UBXN7: variants seen among roughly 807,000 people sequenced by gnomAD.
UBXN7 encodes the protein UBX domain-containing protein 7.
A neutral mutation model predicts 58.0 loss-of-function variants in UBXN7; 9 were observed. The ratio of observed to expected loss-of-function variants is 0.16; its 90% CI spans 0.09 to 0.27. The LOEUF is 0.27. UBXN7 is among the 10% of genes least tolerant of loss of function. The pLI is 1.00. For synonymous variants in UBXN7, 208 were observed against 205.0 expected (o/e 1.01, Z -0.12); for missense variants, 328 against 599.6 (o/e 0.55, Z 4.73).
At chr3:196,363,057 A>G (rs1728549368) in intron 8 of UBXN7, among the ~76,000 whole-genome samples, 1 of 151,796 alleles carries the variant, frequency 6.6e-6, no homozygotes, top group Non-Finnish European at 1.5e-5. Context: ...AGCGCCCGCC[A>G]CCACGCCCAG....
chr3:196,386,975 C>T (rs1729425690), intron 5 of UBXN7, among the ~76,000 whole-genome samples: 1 of 152,084 alleles, frequency 6.6e-6, no homozygotes, highest in Admixed American at 6.6e-5. Context: ...TACAAGGCTA[C>T]AGTAACCAAA....
At chr3:196,396,218 A>ATT (rs1729765744) in intron 3 of UBXN7, among the ~76,000 whole-genome samples, 1 of 150,582 alleles carries the variant, frequency 6.6e-6, no homozygotes, top group South Asian at 2.1e-4. Flanking sequence ...TTTCAAATGT[A>ATT]CATGGCCTCT....
Position 196,352,585 on chromosome 3 carries a change from A to G in UBXN7, c.*4100T>C, listed in dbSNP as rs1344360161. The G allele has an allele frequency of 6.6e-6, 1 of 152,180 alleles. No individual in the cohort carries two copies. The highest frequency in any genetic ancestry group is 1.9e-4 in the East Asian group (1 of 5,194). 9.4% of individuals were successfully genotyped at this position (152,180 alleles called of 1,614,324 possible). On this transcript the variant is annotated 3_prime_UTR_variant, in exon 11 of 11. Coordinates refer to ENST00000296328, the MANE Select transcript of UBXN7 (RefSeq NM_015562.2). The surrounding 1 kb of genome is among the most constrained non-coding windows in gnomAD (Gnocchi z 4.1). ...AGATTTCAAAATACTTCCAACTTCT[A>G]TAAAGAACTCAATAGCTAATTGTTG...
At chr3:196,379,755 C>G (rs1729143258) in intron 5 of UBXN7, among the ~76,000 whole-genome samples, 1 of 152,104 alleles carries the variant, frequency 6.6e-6, no homozygotes, top group Non-Finnish European at 1.5e-5. Context: ...CGGTATCATC[C>G]CTTCTGTGAT....
intron 3 of UBXN7, chr3:196,400,033 C>G (rs1038985887): frequency 1.3e-5 from 2 of 151,972 alleles, no homozygotes. Flanking sequence ...ACACTAAGCT[C>G]GACATCAATA....
intron 1 of UBXN7, among the ~76,000 whole-genome samples, chr3:196,418,919 G>A (rs540337250): frequency 1.3e-5 from 2 of 152,236 alleles, no homozygotes; most frequent in South Asian, 2.1e-4. Context: ...CATTTAATGC[G>A]AGAACCTAAC....
At chr3:196,406,365 T>C (rs1008850425) in intron 2 of UBXN7, among the ~76,000 whole-genome samples, 1 of 151,844 alleles carries the variant, frequency 6.6e-6, no homozygotes, top group Non-Finnish European at 1.5e-5. Flanking sequence ...TTCATACTGA[T>C]TTCTGTTAAG....
chr3:196,420,405 C>G (rs1398835640), intron 1 of UBXN7, among the ~76,000 whole-genome samples: 1 of 151,802 alleles, frequency 6.6e-6, no homozygotes, highest in African/African-American at 2.4e-5. Context: ...GTGATGCGTG[C>G]CTGTAACCCC....
intron 10 of UBXN7, among the ~76,000 whole-genome samples, chr3:196,360,424 C>T (rs1373079883): frequency 1.3e-5 from 2 of 152,172 alleles, no homozygotes; most frequent in East Asian, 3.8e-4. Context: ...GCTCATTTAA[C>T]ATTCCAAAAT....
At chr3:196,359,918 A>AG (rs1728460952) in intron 10 of UBXN7, among the ~76,000 whole-genome samples, 1 of 151,894 alleles carries the variant, frequency 6.6e-6, no homozygotes, top group Non-Finnish European at 1.5e-5. Context: ...AAAAAAAAAA[A>AG]GGAAAGAAAG....
At position 196,355,189 on chromosome 3, in the gene UBXN7, A is replaced by G. The variant is rs1207728273; in HGVS notation, c.*1496T>C. 1.3e-5 allele frequency: 2 copies of G among 152,192 alleles called. No individual in the cohort carries two copies. The highest frequency in any genetic ancestry group is 1.3e-4 in the Admixed American group (2 of 15,266). The allele number at this position is 152,192 out of a possible 1,614,324, so 9.4% of individuals were successfully genotyped here. A position where few individuals can be genotyped will look rare whatever the true frequency, so the allele number is the denominator to read the frequency against. ...ATACGCTCCTCAGATAAAAGAATCA[A>G]TCTAAATCCTCAACTGACAAAAAGG... On this transcript the variant is annotated 3_prime_UTR_variant, in exon 11 of 11. Transcript: ENST00000296328.
chr3:196,427,705 G>T (rs1279503322), intron 1 of UBXN7, among the ~76,000 whole-genome samples: 2 of 152,190 alleles, frequency 1.3e-5, no homozygotes, highest in African/African-American at 4.8e-5. Flanking sequence ...TGACTTCTGA[G>T]TTTTCAACAG....
In UBXN7 at chr3:196,352,970, A is replaced by G. The variant is rs1205713329; in HGVS notation, c.*3715T>C. Reference sequence around the variant, plus strand: ...TTCTTGGCAAATAATGCCACGTGGCAATTTTACTTTCACATCTTCACCAGT... The same window carrying G: ...TTCTTGGCAAATAATGCCACGTGGCGATTTTACTTTCACATCTTCACCAGT... On this transcript the variant is annotated 3_prime_UTR_variant, in exon 11 of 11. Transcript: ENST00000296328. The surrounding 1 kb of genome is among the most constrained non-coding windows in gnomAD (Gnocchi z 4.1). The G allele has an allele frequency of 6.6e-6, 1 of 152,240 alleles. No homozygotes were observed. Among genetic ancestry groups the G allele is most frequent in the Non-Finnish European group, 1.5e-5 (1 of 68,038 alleles). 9.4% of individuals were successfully genotyped at this position (152,240 alleles called of 1,614,324 possible). A position where few individuals can be genotyped will look rare whatever the true frequency, so the allele number is the denominator to read the frequency against.
chr3:196,429,512 AAAGT>A (rs1427844577), intron 1 of UBXN7, among the ~76,000 whole-genome samples: 13 of 152,172 alleles, frequency 8.5e-5, no homozygotes, highest in Non-Finnish European at 1.5e-4. Flanking sequence ...TCCTGCCTAA[AAAGT>A]AAGGACTCAC....
intron 7 of UBXN7, 74 bp from the exon 8 acceptor site, chr3:196,368,229 AAATAT>A: frequency 6.9e-7 from 1 of 1,447,068 alleles, no homozygotes; most frequent in Non-Finnish European, 9.3e-7. Flanking sequence ...CAGGATCTAT[AAATAT>A]AATACCTAGA....
intron 2 of UBXN7, among the ~76,000 whole-genome samples, chr3:196,403,574 T>G (rs1730059210): frequency 6.6e-6 from 1 of 152,080 alleles, no homozygotes; most frequent in Non-Finnish European, 1.5e-5. Flanking sequence ...CTCTCAAGTT[T>G]CCTACCTTAA....
chr3:196,351,900 G>A lies in UBXN7; in HGVS notation c.*4785C>T, dbSNP rs1294703316. 3 of 152,218 alleles carry A rather than the reference G, an allele frequency of 2.0e-5. No individual in the cohort carries two copies. In the East Asian group the frequency reaches 5.8e-4, roughly 29 times the overall value. The allele number at this position is 152,218 out of a possible 1,614,324, so 9.4% of individuals were successfully genotyped here. On this transcript the variant is annotated 3_prime_UTR_variant, in exon 11 of 11. Coordinates refer to ENST00000296328, the MANE Select transcript of UBXN7 (RefSeq NM_015562.2). ...CTAAGTGTGCAAGTAAGATTCCTGC[G>A]AGCTAGGAATCTTTACTCCGGGGGA...
chr3:196,413,689 A>G (rs995046732), intron 1 of UBXN7, among the ~76,000 whole-genome samples: 9 of 152,096 alleles, frequency 5.9e-5, no homozygotes, highest in Non-Finnish European at 1.2e-4. Context: ...AGCCCTCAAC[A>G]TCTCTTACAT....
chr3:196,412,246 A>G (rs886962393), intron 1 of UBXN7, among the ~76,000 whole-genome samples: 2 of 104,626 alleles, frequency 1.9e-5, no homozygotes, highest in African/African-American at 3.2e-5. Flanking sequence ...AAAAAAAAAA[A>G]AAAGAAAAAA....
Sources: gnomAD v4.1 joint callset for allele counts (sites outside exome capture counted in the v4.1 genomes callset) on GRCh38, gnomAD v4.1.1 for gene constraint, Gnocchi (gnomAD v3.1) non-coding constraint, MANE v1.5 for transcripts, NCBI Gene and HGNC (gene_info 2026-07-23, HGNC 2026-07-21) for gene names.